CD244: variants seen among roughly 807,000 people sequenced by gnomAD.
CD244 encodes CD244 molecule.
In CD244, 20 loss-of-function variants were observed where a neutral mutation model predicts 45.5. That is an observed-to-expected ratio of 0.44 (90% confidence interval 0.31 to 0.64). The LOEUF is 0.64. Ranked by LOEUF, CD244 falls within the 30% of genes least tolerant of loss-of-function variation. The pLI is 0.08. For missense variants in CD244, 407 were observed against 426.9 expected, an observed-to-expected ratio of 0.95 and a Z score of 0.41; for synonymous variants, 185 against 160.5, an observed-to-expected ratio of 1.15 and a Z score of -1.15.
intron 1 of CD244, among the ~76,000 whole-genome samples, chr1:160,858,018 G>A (rs1670169584): frequency 6.6e-6 from 1 of 151,692 alleles, no homozygotes; most frequent in Admixed American, 6.6e-5. Context: ...CTGCACTCCA[G>A]CCTGGGTGAT....
intron 3 of CD244, 34 bp downstream of exon 3, chr1:160,841,176 C>G: frequency 6.2e-7 from 1 of 1,608,764 alleles, no homozygotes; most frequent in Non-Finnish European, 8.5e-7. Context: ...TCCAAACCTT[C>G]AGCGCTTGTT....
chr1:160,841,906 G>C lies in CD244; in HGVS notation c.62-5C>G. The C allele has an allele frequency of 6.2e-7, 1 of 1,612,734 alleles. No homozygotes were observed. Among genetic ancestry groups the C allele is most frequent in the Non-Finnish European group, 8.5e-7 (1 of 1,179,082 alleles). On this transcript the variant is annotated splice_polypyrimidine_tract_variant and splice_region_variant and intron_variant, in intron 1 of 8. Coordinates refer to ENST00000368034, the MANE Select transcript of CD244 (RefSeq NM_016382.4). ...GGTCAGCTGATCCCTGGCATCCTAG[G>C]AAAGAGAACCCAAGCTGAAAGTAGC... is the stretch of plus-strand genomic sequence containing the variant.
intron 1 of CD244, among the ~76,000 whole-genome samples, chr1:160,843,313 T>C (rs1557836999): frequency 1.3e-5 from 2 of 152,342 alleles, no homozygotes; most frequent in Non-Finnish European, 2.9e-5. Context: ...GTGCTGTGCA[T>C]CTCTGTGTCT....
chr1:160,847,611 A>T (rs759277524), intron 1 of CD244, among the ~76,000 whole-genome samples: 6 of 152,188 alleles, frequency 3.9e-5, no homozygotes, highest in Non-Finnish European at 7.4e-5. Context: ...CCATGAGTCA[A>T]AGAATAAATC....
intron 1 of CD244, among the ~76,000 whole-genome samples, chr1:160,851,106 G>A (rs1237294724): frequency 6.6e-6 from 1 of 152,176 alleles, no homozygotes; most frequent in Non-Finnish European, 1.5e-5. Flanking sequence ...AGGAACCTCC[G>A]CATGTTTAGC....
chr1:160,834,404 G>C (rs1368648058), intron 6 of CD244, among the ~76,000 whole-genome samples: 1 of 152,160 alleles, frequency 6.6e-6, no homozygotes, highest in East Asian at 1.9e-4. Flanking sequence ...TGCCTGGGCT[G>C]GAGTGCAATG....
chr1:160,848,727 A>G (rs1057116853), intron 1 of CD244, among the ~76,000 whole-genome samples: 12 of 150,914 alleles, frequency 8.0e-5, no homozygotes, highest in Admixed American at 4.6e-4. Context: ...ACCCAAGAGG[A>G]CTGGGCTTGG....
At chr1:160,847,635 G>A (rs1416319882) in intron 1 of CD244, among the ~76,000 whole-genome samples, 2 of 152,086 alleles carry the variant, frequency 1.3e-5, no homozygotes, top group African/African-American at 4.8e-5. Context: ...TGAAATTTGG[G>A]AAATATTTAG....
chr1:160,831,491 G>T, intron 8 of CD244, 64 bp from the exon 9 acceptor site: 1 of 1,115,458 alleles, frequency 9.0e-7, no homozygotes, highest in Non-Finnish European at 1.3e-6. Flanking sequence ...AATCCTGTGA[G>T]GTATGACTTG....
chr1:160,837,300 G>T (rs966620269), intron 5 of CD244, among the ~76,000 whole-genome samples: 4 of 152,048 alleles, frequency 2.6e-5, no homozygotes, highest in Non-Finnish European at 5.9e-5. Flanking sequence ...TCTTCTTTTT[G>T]GAAAAATAGA....
intron 1 of CD244, among the ~76,000 whole-genome samples, chr1:160,859,099 G>C (rs545324766): frequency 6.6e-6 from 1 of 152,308 alleles, no homozygotes; most frequent in East Asian, 1.9e-4. Flanking sequence ...TTGCAGAATG[G>C]CAGGCTGACA....
At chr1:160,834,009 T>G in intron 7 of CD244, 42 bp downstream of exon 7, 1 of 1,405,968 alleles carries the variant, frequency 7.1e-7, no homozygotes, top group South Asian at 1.2e-5. Flanking sequence ...AATACACATC[T>G]ACATCAACAA....
At chr1:160,836,952 G>A (rs1414049694) in intron 5 of CD244, among the ~76,000 whole-genome samples, 1 of 152,232 alleles carries the variant, frequency 6.6e-6, no homozygotes, top group African/African-American at 2.4e-5. Context: ...ACTGTCAGCT[G>A]TCCTTAGAGG....
At chr1:160,861,008 TG>T (rs761735387) in intron 1 of CD244, among the ~76,000 whole-genome samples, 18 of 152,174 alleles carry the variant, frequency 1.2e-4, no homozygotes, top group Non-Finnish European at 2.5e-4. Flanking sequence ...GCCCTGGGAA[TG>T]GGGGTGGAGG....
At chr1:160,835,940 C>CT (rs1669316733) in intron 6 of CD244, among the ~76,000 whole-genome samples, 1 of 152,172 alleles carries the variant, frequency 6.6e-6, no homozygotes, top group Non-Finnish European at 1.5e-5. Context: ...CTCCTATAGA[C>CT]TTTATCTGGG....
At chr1:160,842,658 A>C (rs2101874737) in intron 1 of CD244, among the ~76,000 whole-genome samples, 1 of 152,242 alleles carries the variant, frequency 6.6e-6, no homozygotes, top group South Asian at 2.1e-4. Context: ...CACTTGGTTC[A>C]TTGGATTTTG....
At chr1:160,834,515 C>T (rs112789111) in intron 6 of CD244, among the ~76,000 whole-genome samples, 4,372 of 152,192 alleles carry the variant, frequency 0.029, 223 homozygotes, top group African/African-American at 0.1. Context: ...GCCATCATGC[C>T]CAGCTAATTT....
At chr1:160,854,140 T>G (rs190732509) in intron 1 of CD244, among the ~76,000 whole-genome samples, 16 of 152,344 alleles carry the variant, frequency 1.1e-4, no homozygotes, top group Admixed American at 3.3e-4. Context: ...TGAGTTTAAT[T>G]TTCAGGTGTT....
chr1:160,843,432 A>T (rs1471913952), intron 1 of CD244, among the ~76,000 whole-genome samples: 3 of 152,172 alleles, frequency 2.0e-5, no homozygotes, highest in African/African-American at 7.2e-5. Flanking sequence ...CTAAACCTAC[A>T]AGGAGGACAT....
Sources: gnomAD v4.1 joint callset for allele counts (sites outside exome capture counted in the v4.1 genomes callset) on GRCh38, gnomAD v4.1.1 for gene constraint, MANE v1.5 for transcripts, NCBI Gene and HGNC (gene_info 2026-07-23, HGNC 2026-07-21) for gene names.